TRHDE: variants seen among roughly 807,000 people sequenced by gnomAD.
TRHDE encodes thyrotropin-releasing hormone-degrading ectoenzyme.
In TRHDE, 72 loss-of-function variants were observed where a neutral mutation model predicts 125.7. The observed-to-expected ratio is 0.57, with a 90% CI of 0.47 to 0.70. The LOEUF (loss-of-function observed/expected upper bound fraction) is 0.70, where lower values mean the gene tolerates loss of function less well. TRHDE is among the 30% of genes least tolerant of loss of function. The probability of loss-of-function intolerance (pLI) is 0.00; values close to 1 mark genes in which losing one functional copy is unlikely to be tolerated. For missense variants in TRHDE, 1,110 were observed against 1,327.1 expected (o/e 0.84, Z 2.54); for synonymous variants, 509 against 509.1 (o/e 1.00, Z 0.00).
At chr12:72,592,083 A>G (rs1871710933) in intron 12 of TRHDE, among the ~76,000 whole-genome samples, 1 of 151,220 alleles carries the variant, frequency 6.6e-6, no homozygotes, top group South Asian at 2.1e-4. Flanking sequence ...TTTCTTTCCC[A>G]TTTGCTCTTT....
Position 72,652,316 on chromosome 12 carries a change from CT to C in TRHDE, c.2676-3del. 1 of 1,431,134 alleles carries C rather than the reference CT, an allele frequency of 7.0e-7. No individual in the cohort carries two copies. The highest frequency in any genetic ancestry group is 9.2e-7 in the Non-Finnish European group (1 of 1,083,680). The allele number at this position is 1,431,134 out of a possible 1,614,324, so 88.7% of individuals were successfully genotyped here. On this transcript the variant is annotated splice_region_variant and splice_polypyrimidine_tract_variant and intron_variant, in intron 15 of 18. Transcript: ENST00000261180. ...AACAGAAAACCACCATGGGTTGCTT[CT>C]TTAGAATACCACTAAATGTTAGAGA...
At chr12:72,609,529 G>T (rs369254194) in intron 12 of TRHDE, among the ~76,000 whole-genome samples, 73 of 152,182 alleles carry the variant, frequency 4.8e-4, no homozygotes, top group African/African-American at 1.7e-3. Context: ...AAGTCATAGA[G>T]ATTTGTTTTA....
chr12:72,466,155 C>T (rs986988311), intron 3 of TRHDE, among the ~76,000 whole-genome samples: 5 of 152,194 alleles, frequency 3.3e-5, no homozygotes, highest in Non-Finnish European at 7.4e-5. Flanking sequence ...CCAATTGTTT[C>T]CACACCATAT....
chr12:72,569,616 CTA>C (rs1870624842), intron 10 of TRHDE, among the ~76,000 whole-genome samples: 1 of 152,136 alleles, frequency 6.6e-6, no homozygotes, highest in Non-Finnish European at 1.5e-5. Flanking sequence ...ACAGTAAAAT[CTA>C]ATCTGGTTGT....
rs547596551 is a variant in TRHDE at position 72,399,054 on chromosome 12, G to T, written c.1315+20933G>T. 5.9e-5 allele frequency among the ~76,000 whole-genome samples: 9 copies of T among 152,270 alleles called. No homozygotes were observed. In the South Asian group the frequency reaches 8.3e-4, roughly 14 times the overall value. On this transcript the variant is annotated intron_variant, in intron 3 of 18. Transcript: ENST00000261180. ...CAGTGGTGGCACTAGATTCTCATAG[G>T]AGCACAAACCCTACTGTGAACTGCC...
chr12:72,131,508 T>C (rs971429617), intron 2 of TRHDE, among the ~76,000 whole-genome samples: 1 of 152,240 alleles, frequency 6.6e-6, no homozygotes, highest in African/African-American at 2.4e-5. Context: ...CCCATATATC[T>C]TTTGGGAACT....
chr12:72,421,927 G>T (rs896342991), intron 3 of TRHDE, among the ~76,000 whole-genome samples: 1 of 152,094 alleles, frequency 6.6e-6, no homozygotes, highest in African/African-American at 2.4e-5. Context: ...AAATAGAAAT[G>T]TGTAAACCAG....
intron 15 of TRHDE, among the ~76,000 whole-genome samples, chr12:72,635,929 G>T (rs1364053856): frequency 1.3e-5 from 2 of 151,890 alleles, no homozygotes; most frequent in Non-Finnish European, 1.5e-5. Context: ...TTTGAAGTCA[G>T]GTAGCATGAT....
chr12:72,430,470 C>A (rs1874427984), intron 3 of TRHDE, among the ~76,000 whole-genome samples: 1 of 148,124 alleles, frequency 6.8e-6, no homozygotes, highest in Non-Finnish European at 1.5e-5. Context: ...TATATATACA[C>A]ACATATATAT....
At chr12:72,612,621 T>C (rs774029086) in intron 12 of TRHDE, among the ~76,000 whole-genome samples, 1 of 152,190 alleles carries the variant, frequency 6.6e-6, no homozygotes, top group Admixed American at 6.5e-5. Context: ...GTACTGATAT[T>C]GATGCTTAGT....
intron 12 of TRHDE, among the ~76,000 whole-genome samples, chr12:72,600,347 A>C (rs957893930): frequency 6.6e-6 from 1 of 151,952 alleles, no homozygotes; most frequent in African/African-American, 2.4e-5. Context: ...GCTTTGGACA[A>C]CATGGCCATT....
At chr12:72,178,524 A>G (rs769306348) in intron 2 of TRHDE, among the ~76,000 whole-genome samples, 1 of 152,128 alleles carries the variant, frequency 6.6e-6, no homozygotes, top group Non-Finnish European at 1.5e-5. Context: ...AACTAGAAAT[A>G]TCTCAATAAC....
chr12:72,264,940 A>T (rs1442630283), intron 2 of TRHDE, among the ~76,000 whole-genome samples: 3 of 151,680 alleles, frequency 2.0e-5, no homozygotes, highest in Non-Finnish European at 4.4e-5. Flanking sequence ...CTAGAGCCAA[A>T]AGTTTCATTC....
At chr12:72,156,050 G>A (rs542208472) in intron 2 of TRHDE, among the ~76,000 whole-genome samples, 14 of 152,286 alleles carry the variant, frequency 9.2e-5, no homozygotes, top group East Asian at 5.8e-4. Flanking sequence ...CACCCAGTTC[G>A]AGCTTCCAGG....
intron 2 of TRHDE, among the ~76,000 whole-genome samples, chr12:72,225,862 G>A (rs1878118360): frequency 6.6e-6 from 1 of 152,200 alleles, no homozygotes. Flanking sequence ...GACCTTTCAG[G>A]AAGTAGGTGA....
chr12:72,533,418 C>T (rs1162420724), intron 6 of TRHDE, among the ~76,000 whole-genome samples: 1 of 152,072 alleles, frequency 6.6e-6, no homozygotes, highest in East Asian at 1.9e-4. Flanking sequence ...TGTGATCTGC[C>T]CACCCTGGAC....
intron 12 of TRHDE, among the ~76,000 whole-genome samples, chr12:72,616,470 C>A (rs1872815823): frequency 6.6e-6 from 1 of 151,962 alleles, no homozygotes; most frequent in African/African-American, 2.4e-5. Flanking sequence ...AATGTGAGGG[C>A]TGGAGAGATA....
chr12:72,202,181 T>C (rs1877572804), intron 2 of TRHDE, among the ~76,000 whole-genome samples: 1 of 152,290 alleles, frequency 6.6e-6, no homozygotes, highest in Non-Finnish European at 1.5e-5. Flanking sequence ...GCCTGGGTTC[T>C]TGTTTCTTTG....
intron 2 of TRHDE, chr12:72,263,395 A>C (rs1395365527): frequency 2.0e-5 from 3 of 150,690 alleles, no homozygotes; most frequent in East Asian, 3.9e-4. Flanking sequence ...GTGTGTGTGC[A>C]TGTTTTGTTT....
Sources: allele counts gnomAD v4.1 joint callset (sites outside exome capture counted in the v4.1 genomes callset), GRCh38; gene constraint gnomAD v4.1.1; transcripts MANE v1.5; gene names NCBI Gene and HGNC (gene_info 2026-07-23, HGNC 2026-07-21).